Variants in TAFA1 observed in about 807,000 individuals in gnomAD.
TAFA1 encodes chemokine-like protein TAFA-1.
Under a neutral mutation model 18.5 loss-of-function variants are expected in TAFA1, and 4 were observed. The observed-to-expected ratio is 0.22, with a 90% CI of 0.11 to 0.49. The LOEUF (loss-of-function observed/expected upper bound fraction) is 0.49. Ranked by LOEUF, TAFA1 falls within the 20% of genes least tolerant of loss-of-function variation. The pLI is 0.98. For synonymous variants in TAFA1, 56 were observed against 55.2 expected, an observed-to-expected ratio of 1.01 and a Z score of -0.06; for missense variants, 147 against 169.0, an observed-to-expected ratio of 0.87 and a Z score of 0.72.
intron 3 of TAFA1, among the ~76,000 whole-genome samples, chr3:68,527,329 T>C (rs111626744): frequency 1.3e-5 from 2 of 152,262 alleles, no homozygotes; most frequent in African/African-American, 2.4e-5. Context: ...TGAAAATTCC[T>C]TGTCACCAGA....
At chr3:68,185,954 A>G (rs1428844134) in intron 2 of TAFA1, among the ~76,000 whole-genome samples, 3 of 152,048 alleles carry the variant, frequency 2.0e-5, no homozygotes, top group East Asian at 3.9e-4. Flanking sequence ...AATGAATTTG[A>G]TAAATCCTAA....
intron 2 of TAFA1, among the ~76,000 whole-genome samples, chr3:68,038,639 TA>T (rs745777039): frequency 2.0e-5 from 3 of 152,018 alleles, no homozygotes; most frequent in Non-Finnish European, 4.4e-5. Flanking sequence ...TTTGCTGAAT[TA>T]TAAGCAGTTT....
At chr3:68,058,729 A>G (rs1234928475) in intron 2 of TAFA1, among the ~76,000 whole-genome samples, 1 of 152,202 alleles carries the variant, frequency 6.6e-6, no homozygotes, top group Non-Finnish European at 1.5e-5. Flanking sequence ...TGCTTGTTGA[A>G]CAGAGTTGTA....
chr3:68,205,267 T>C (rs1215985678), intron 2 of TAFA1, among the ~76,000 whole-genome samples: 1 of 151,922 alleles, frequency 6.6e-6, no homozygotes, highest in Non-Finnish European at 1.5e-5. Context: ...TGGAAATCAT[T>C]ACAAGCACTG....
chr3:68,497,094 A>G (rs1382967346), intron 3 of TAFA1, among the ~76,000 whole-genome samples: 1 of 152,166 alleles, frequency 6.6e-6, no homozygotes, highest in Non-Finnish European at 1.5e-5. Flanking sequence ...TTTGGCATGT[A>G]TTAGACATGA....
chr3:68,543,987 G>A (rs1363068225), intron 4 of TAFA1, among the ~76,000 whole-genome samples: 1 of 151,936 alleles, frequency 6.6e-6, no homozygotes, highest in Non-Finnish European at 1.5e-5. Context: ...CTTACAACAG[G>A]CCAACTTCAC....
intron 2 of TAFA1, among the ~76,000 whole-genome samples, chr3:68,300,579 C>A (rs1443079811): frequency 6.6e-6 from 1 of 152,034 alleles, no homozygotes; most frequent in Non-Finnish European, 1.5e-5. Flanking sequence ...GTTAGGAAGG[C>A]ATGATTGGTT....
At chr3:68,031,386 G>A (rs1307425115) in intron 2 of TAFA1, among the ~76,000 whole-genome samples, 1 of 152,254 alleles carries the variant, frequency 6.6e-6, no homozygotes, top group Non-Finnish European at 1.5e-5. Context: ...GCACTTACAG[G>A]TGCCAAAGAA....
chr3:68,194,363 C>A (rs576522136), intron 2 of TAFA1, among the ~76,000 whole-genome samples: 2 of 151,622 alleles, frequency 1.3e-5, no homozygotes, highest in African/African-American at 4.8e-5. Context: ...GTTTTCCCCA[C>A]GTAGATTTTT....
At chr3:68,098,457 T>A (rs1199566013) in intron 2 of TAFA1, among the ~76,000 whole-genome samples, 1 of 152,106 alleles carries the variant, frequency 6.6e-6, no homozygotes, top group African/African-American at 2.4e-5. Flanking sequence ...TATATCTTAG[T>A]GAGTTTTTAC....
chr3:68,174,732 A>G (rs1272091664), intron 2 of TAFA1, among the ~76,000 whole-genome samples: 1 of 152,246 alleles, frequency 6.6e-6, no homozygotes, highest in African/African-American at 2.4e-5. Context: ...GTAGCCTAAC[A>G]ATGCGATAGA....
At chr3:68,499,674 T>C (rs2072623388) in intron 3 of TAFA1, among the ~76,000 whole-genome samples, 1 of 151,918 alleles carries the variant, frequency 6.6e-6, no homozygotes, top group Non-Finnish European at 1.5e-5. Context: ...ACTAAGGTAT[T>C]ATTTGATAAA....
chr3:68,233,572 T>C (rs753192613), intron 2 of TAFA1, among the ~76,000 whole-genome samples: 9 of 152,210 alleles, frequency 5.9e-5, no homozygotes, highest in Non-Finnish European at 1.2e-4. Context: ...AGTTTTGTCC[T>C]TTTTGCTCAA....
At chr3:68,537,969 AGG>A (rs1365085758) in intron 3 of TAFA1, among the ~76,000 whole-genome samples, 1 of 152,044 alleles carries the variant, frequency 6.6e-6, no homozygotes, top group African/African-American at 2.4e-5. Context: ...GAAGTCTTCG[AGG>A]TTAGGATTTT....
intron 2 of TAFA1, among the ~76,000 whole-genome samples, chr3:68,123,877 CCAAAAAAAAAAAAAAAA>C (rs1559529038): frequency 6.2e-5 from 2 of 32,430 alleles, no homozygotes; most frequent in African/African-American, 1.5e-4. Context: ...ACTTTTTTTT[CCAAAAAAAAAAAAAAAA>C]AAAAAAAAAA....
At chr3:68,090,301 C>T (rs1407021986) in intron 2 of TAFA1, among the ~76,000 whole-genome samples, 2 of 152,092 alleles carry the variant, frequency 1.3e-5, no homozygotes, top group Non-Finnish European at 2.9e-5. Flanking sequence ...AATAATATAG[C>T]GAGATCACGT....
chr3:68,261,681 C>G (rs549474708), intron 2 of TAFA1, among the ~76,000 whole-genome samples: 59 of 152,068 alleles, frequency 3.9e-4, no homozygotes, highest in Non-Finnish European at 7.6e-4. Context: ...AAACCAAACA[C>G]CACATGTTCT....
At chr3:68,498,646 C>A (rs1366375804) in intron 3 of TAFA1, among the ~76,000 whole-genome samples, 1 of 147,772 alleles carries the variant, frequency 6.8e-6, no homozygotes, top group African/African-American at 2.5e-5. Flanking sequence ...AGTTTTCCTT[C>A]GAAGGCTGAT....
chr3:68,498,765 A>G (rs1285541890), intron 3 of TAFA1, among the ~76,000 whole-genome samples: 5 of 115,380 alleles, frequency 4.3e-5, no homozygotes, highest in South Asian at 2.9e-4. Flanking sequence ...TTTGAGAGAG[A>G]GAGAGAAAAC....
Sources: allele counts gnomAD v4.1 joint callset (sites outside exome capture counted in the v4.1 genomes callset), GRCh38; gene constraint gnomAD v4.1.1; transcripts MANE v1.5; gene names NCBI Gene and HGNC (gene_info 2026-07-23, HGNC 2026-07-21).